RFX7: variants seen among roughly 807,000 people sequenced by gnomAD.
The protein encoded by RFX7 is DNA-binding protein RFX7.
In RFX7, 26 loss-of-function variants were observed where a neutral mutation model predicts 111.8. The ratio of observed to expected loss-of-function variants is 0.23; its 90% CI spans 0.17 to 0.32. The LOEUF is 0.32. Among genes scored for constraint, RFX7 ranks in the 10% least tolerant of loss-of-function variants. The pLI is 1.00. For synonymous variants in RFX7, 624 were observed against 624.4 expected (o/e 1.00, Z 0.01); for missense variants, 1,573 against 1,772.9 (o/e 0.89, Z 2.02).
At chr15:56,178,546 G>A (rs1226882339) in intron 3 of RFX7, among the ~76,000 whole-genome samples, 7 of 151,980 alleles carry the variant, frequency 4.6e-5, no homozygotes, top group African/African-American at 1.7e-4. Flanking sequence ...GACAATTTGG[G>A]GAATCTAACA....
intron 5 of RFX7, among the ~76,000 whole-genome samples, chr15:56,109,842 C>A (rs1239408424): frequency 6.6e-6 from 1 of 152,048 alleles, no homozygotes; most frequent in Non-Finnish European, 1.5e-5. Flanking sequence ...AGGAGCCCCT[C>A]CGCCCGGCAG....
intron 2 of RFX7, among the ~76,000 whole-genome samples, chr15:56,232,773 G>C (rs536153254): frequency 2.3e-4 from 35 of 152,244 alleles, no homozygotes; most frequent in African/African-American, 7.9e-4. Flanking sequence ...CAAATCTCTA[G>C]GGCAGGGGTA....
chr15:56,239,471 T>C (rs1214756144), intron 2 of RFX7, among the ~76,000 whole-genome samples: 2 of 151,980 alleles, frequency 1.3e-5, no homozygotes, highest in Admixed American at 6.5e-5. Context: ...GGTTTCACCA[T>C]GGCCAGGCTG....
chr15:56,223,203 C>A (rs2043444691), intron 2 of RFX7, among the ~76,000 whole-genome samples: 1 of 152,144 alleles, frequency 6.6e-6, no homozygotes, highest in Admixed American at 6.5e-5. Flanking sequence ...ACTGGCCCTG[C>A]ACACGTGGAG....
At chr15:56,189,851 A>C (rs2141159385) in intron 2 of RFX7, 2 of 152,366 alleles carry the variant, frequency 1.3e-5, no homozygotes, top group Middle Eastern at 3.4e-3. Context: ...TATTTATCCA[A>C]CAGGAATCAA....
At chr15:56,127,748 G>A (rs11071250) in intron 5 of RFX7, among the ~76,000 whole-genome samples, 19,505 of 151,578 alleles carry the variant, frequency 0.13, 1,628 homozygotes, top group East Asian at 0.44. Flanking sequence ...GGGTTTCACC[G>A]TGTTAGCCAG....
intron 3 of RFX7, among the ~76,000 whole-genome samples, chr15:56,148,382 T>C (rs779277823): frequency 1.8e-4 from 27 of 152,322 alleles, no homozygotes; most frequent in East Asian, 3.9e-4. Flanking sequence ...TTAATGACGA[T>C]TGAGATGGTA....
chr15:56,232,793 C>T (rs2043579588), intron 2 of RFX7, among the ~76,000 whole-genome samples: 1 of 152,138 alleles, frequency 6.6e-6, no homozygotes, highest in South Asian at 2.1e-4. Context: ...AAAATGCTGC[C>T]AGTATCTTTG....
chr15:56,233,526 T>A (rs138951408), intron 2 of RFX7, among the ~76,000 whole-genome samples: 2 of 152,010 alleles, frequency 1.3e-5, no homozygotes, highest in Non-Finnish European at 2.9e-5. Flanking sequence ...CACTGCAAAC[T>A]GGGAAACTTG....
chr15:56,241,720 TCA>T (rs35506687), intron 2 of RFX7, among the ~76,000 whole-genome samples: 86,088 of 150,706 alleles, frequency 0.57, 25,460 homozygotes, highest in East Asian at 0.85. Flanking sequence ...CTGCTTTCTG[TCA>T]CACACACACA....
intron 5 of RFX7, among the ~76,000 whole-genome samples, chr15:56,124,543 G>A (rs2042118425): frequency 6.6e-6 from 1 of 152,086 alleles, no homozygotes; most frequent in Admixed American, 6.5e-5. Context: ...CTTTCTGAAA[G>A]TAGCTATCCT....
Position 56,093,874 on chromosome 15 carries a change from T to C in RFX7, c.3854A>G (p.Gln1285Arg). ...AAAAACAGTGGAAGGTTCCAAAATCTGAGTGAGATTCATCCGGGCTGTATA... is the reference window on the plus strand; with the variant it reads ...AAAAACAGTGGAAGGTTCCAAAATCCGAGTGAGATTCATCCGGGCTGTATA... The part of the protein sequence containing the change: ...SNYTARMNLT[Q>R]ILEPSTVFPS... The change falls in exon 10 of 10, where the codon CAG (glutamine) becomes CGG (arginine). Residue 1285 changes from glutamine (Q) to arginine (R), a missense_variant. Physicochemically the swap from Gln to Arg is conservative, Grantham distance 43 (BLOSUM62 1). Around this residue, in one of 7 missense-constraint regions of RFX7, gnomAD observed 411 missense variants for 478.1 expected, o/e 0.86. Coordinates refer to ENST00000559447, the MANE Select transcript of RFX7 (RefSeq NM_022841.7). The C allele has an allele frequency of 6.2e-7, 1 of 1,613,992 alleles. No homozygotes were observed. The highest frequency in any genetic ancestry group is 8.5e-7 in the Non-Finnish European group (1 of 1,179,876).
At chr15:56,213,480 C>T (rs941397135) in intron 2 of RFX7, among the ~76,000 whole-genome samples, 1 of 152,110 alleles carries the variant, frequency 6.6e-6, no homozygotes, top group South Asian at 2.1e-4. Flanking sequence ...CTTGAAGTGA[C>T]AAAAGCTTTA....
rs2041592905 is a variant in RFX7 at position 56,091,284 on chromosome 15, A to G, written c.*2061T>C. 6.6e-6 allele frequency: 1 copy of G among 152,564 alleles called. No homozygotes were observed. Among genetic ancestry groups the G allele is most frequent in the South Asian group, 2.1e-4 (1 of 4,828 alleles). The allele number at this position is 152,564 out of a possible 1,614,324, so 9.5% of individuals were successfully genotyped here. A position where few individuals can be genotyped will look rare whatever the true frequency, so the allele number is the denominator to read the frequency against. ...TCTTTTCATAATGAAACACATTTAA[A>G]AAGTTTAATCTGTGGACTGTATTGG... is the stretch of plus-strand genomic sequence containing the variant. On this transcript the variant is annotated 3_prime_UTR_variant, in exon 10 of 10. Coordinates refer to ENST00000559447, the MANE Select transcript of RFX7 (RefSeq NM_022841.7).
intron 2 of RFX7, among the ~76,000 whole-genome samples, chr15:56,230,800 G>A (rs561891982): frequency 2.0e-5 from 3 of 152,164 alleles, no homozygotes; most frequent in Non-Finnish European, 4.4e-5. Context: ...CAATGATTAA[G>A]ATGTAATTAA....
At chr15:56,214,714 CAAAAA>C (rs527416979) in intron 2 of RFX7, among the ~76,000 whole-genome samples, 1 of 86,966 alleles carries the variant, frequency 1.1e-5, no homozygotes, top group African/African-American at 4.8e-5. Flanking sequence ...GACTCTGTCT[CAAAAA>C]AAAAAAAAAA....
intron 2 of RFX7, among the ~76,000 whole-genome samples, chr15:56,190,930 T>C (rs2043094091): frequency 6.6e-6 from 1 of 152,240 alleles, no homozygotes; most frequent in Admixed American, 6.5e-5. Context: ...ACAAATTGGA[T>C]ACTATATACA....
chr15:56,150,151 G>T (rs1235971208), intron 3 of RFX7, among the ~76,000 whole-genome samples: 1 of 152,210 alleles, frequency 6.6e-6, no homozygotes. Context: ...AGCTCAGCAA[G>T]GCTGCGGTGG....
At chr15:56,124,231 G>A (rs543742655) in intron 5 of RFX7, among the ~76,000 whole-genome samples, 1 of 152,174 alleles carries the variant, frequency 6.6e-6, no homozygotes, top group Admixed American at 6.5e-5. Context: ...GACCATCCTG[G>A]CTAACACGGT....
Sources: gnomAD v4.1 joint callset for allele counts (sites outside exome capture counted in the v4.1 genomes callset) on GRCh38, gnomAD v4.1.1 for gene constraint, gnomAD v4.1.1 regional missense constraint, MANE v1.5 for transcripts, NCBI Gene and HGNC (gene_info 2026-07-23, HGNC 2026-07-21) for gene names.